The following RBFOX3 variants were observed in gnomAD, a reference collection of about 807,000 sequenced individuals.
The protein encoded by RBFOX3 is RNA binding fox-1 homolog 3, also known as RNA binding protein fox-1 homolog 3.
Under a neutral mutation model 48.7 loss-of-function variants are expected in RBFOX3, and 17 were observed. The observed-to-expected ratio is 0.35, with a 90% CI of 0.24 to 0.52. The LOEUF (loss-of-function observed/expected upper bound fraction) is 0.52. RBFOX3 is among the 20% of genes least tolerant of loss of function. The pLI is 0.94. For synonymous variants in RBFOX3, 212 were observed against 209.5 expected (o/e 1.01, Z -0.10); for missense variants, 382 against 497.5 (o/e 0.77, Z 2.21).
chr17:79,143,269 C>T (rs190631872), intron 4 of RBFOX3, among the ~76,000 whole-genome samples: 18 of 151,724 alleles, frequency 1.2e-4, no homozygotes, highest in African/African-American at 4.1e-4. Context: ...GCCCACCCTG[C>T]CTCTGTCCTT....
chr17:79,247,310 A>ATTT (rs57539628), intron 3 of RBFOX3, among the ~76,000 whole-genome samples: 20,180 of 116,278 alleles, frequency 0.17, 2,303 homozygotes, highest in South Asian at 0.26. Context: ...ACATAATCGT[A>ATTT]TTTTTTTTTT....
At chr17:79,620,038 T>TGCACACACAC in the RBFOX3 span, among the ~76,000 whole-genome samples, 1 of 134,944 alleles carries the variant, frequency 7.4e-6, no homozygotes, top group African/African-American at 2.8e-5. Flanking sequence ...CACATGCATA[T>TGCACACACAC]GCACACACGC....
intron 4 of RBFOX3, among the ~76,000 whole-genome samples, chr17:79,167,079 C>T (rs1322195669): frequency 4.6e-5 from 7 of 152,226 alleles, no homozygotes; most frequent in Non-Finnish European, 7.4e-5. Context: ...CCACGACAGA[C>T]GCGCTCACAA....
chr17:79,618,708 G>A, the RBFOX3 span, among the ~76,000 whole-genome samples: 19 of 152,308 alleles, frequency 1.2e-4, no homozygotes, highest in Middle Eastern at 3.4e-3. Context: ...ATCTGGATAC[G>A]CGCTGGAAAA....
At chr17:79,548,930 A>G (rs1201832483) in intron 1 of RBFOX3, among the ~76,000 whole-genome samples, 1 of 152,272 alleles carries the variant, frequency 6.6e-6, no homozygotes, top group African/African-American at 2.4e-5. Context: ...TAATTGTTGC[A>G]GTAACAAATC....
At chr17:79,546,658 T>C (rs1183857655) in intron 1 of RBFOX3, among the ~76,000 whole-genome samples, 1 of 145,940 alleles carries the variant, frequency 6.9e-6, no homozygotes, top group Non-Finnish European at 1.5e-5. Flanking sequence ...CAGCAGTACC[T>C]TCCTCATTCT....
chr17:79,286,796 C>A (rs2072011120), intron 3 of RBFOX3, among the ~76,000 whole-genome samples: 1 of 152,100 alleles, frequency 6.6e-6, no homozygotes, highest in African/African-American at 2.4e-5. Context: ...CACCCATAGA[C>A]CTGCTCACTG....
chr17:79,598,470 T>A (rs1310500867), intron 1 of RBFOX3: 1 of 152,210 alleles, frequency 6.6e-6, no homozygotes, highest in African/African-American at 2.4e-5. Context: ...TTCTCTGTTC[T>A]CCTGGCTATA....
At chr17:79,108,331 G>A (rs753512766) in intron 5 of RBFOX3, among the ~76,000 whole-genome samples, 25 of 152,238 alleles carry the variant, frequency 1.6e-4, no homozygotes, top group Non-Finnish European at 3.2e-4. Context: ...TGTGGCCTGC[G>A]GAGCAGAGGC....
intron 1 of RBFOX3, among the ~76,000 whole-genome samples, chr17:79,585,540 A>G (rs2144931865): frequency 6.6e-6 from 1 of 152,270 alleles, no homozygotes; most frequent in East Asian, 1.9e-4. Context: ...CTGGGCGACA[A>G]CAGCGAGACT....
chr17:79,376,124 G>A (rs943804675), intron 2 of RBFOX3, among the ~76,000 whole-genome samples: 9 of 152,108 alleles, frequency 5.9e-5, no homozygotes, highest in African/African-American at 2.2e-4. Flanking sequence ...GCAGCATGGT[G>A]GCCCTGTGTC....
chr17:79,401,249 G>A (rs113968106), intron 2 of RBFOX3, among the ~76,000 whole-genome samples: 9 of 152,244 alleles, frequency 5.9e-5, no homozygotes, highest in Admixed American at 5.9e-4. Context: ...TTCTCGGAAA[G>A]GAGCCCTGAG....
chr17:79,229,230 CAAAAAAAAAAAAAAAAAAAAAAAA>C (rs59934894), intron 4 of RBFOX3, among the ~76,000 whole-genome samples: 2 of 33,712 alleles, frequency 5.9e-5, no homozygotes, highest in African/African-American at 3.0e-4. Flanking sequence ...GAGACTCTGT[CAAAAAAAAAAAAAAAAAAAAAAAA>C]AAAAAAAAAA....
chr17:79,444,177 C>T (rs1248815293), intron 2 of RBFOX3, among the ~76,000 whole-genome samples: 3 of 152,140 alleles, frequency 2.0e-5, no homozygotes, highest in South Asian at 4.1e-4. Flanking sequence ...GAAAAGAAGG[C>T]CAAGGAGGGG....
At chr17:79,554,974 A>G (rs2091505015) in intron 1 of RBFOX3, among the ~76,000 whole-genome samples, 1 of 152,214 alleles carries the variant, frequency 6.6e-6, no homozygotes, top group Non-Finnish European at 1.5e-5. Context: ...TACAGTCACA[A>G]AAAGCAAAGG....
chr17:79,484,310 G>A, intron 1 of RBFOX3, among the ~76,000 whole-genome samples: 1 of 152,210 alleles, frequency 6.6e-6, no homozygotes, highest in Non-Finnish European at 1.5e-5. Flanking sequence ...AGCAACCCCG[G>A]AGCAATGCCT....
chr17:79,649,834 A>C, the RBFOX3 span, among the ~76,000 whole-genome samples: 1 of 152,192 alleles, frequency 6.6e-6, no homozygotes, highest in Admixed American at 6.5e-5. Context: ...GGAAACTTAC[A>C]GTCATGGAGG....
chr17:79,625,262 T>G, the RBFOX3 span, among the ~76,000 whole-genome samples: 1 of 152,292 alleles, frequency 6.6e-6, no homozygotes, highest in African/African-American at 2.4e-5. Flanking sequence ...AATGACACAG[T>G]ACATACTTCT....
At chr17:79,200,272 T>C (rs1271527605) in intron 4 of RBFOX3, among the ~76,000 whole-genome samples, 1 of 151,404 alleles carries the variant, frequency 6.6e-6, no homozygotes, top group African/African-American at 2.4e-5. Context: ...ATCAGCAAGG[T>C]GGCCTGTGCC....
Sources: allele counts gnomAD v4.1 joint callset (sites outside exome capture counted in the v4.1 genomes callset), GRCh38; gene constraint gnomAD v4.1.1; transcripts MANE v1.5; gene names NCBI Gene and HGNC (gene_info 2026-07-23, HGNC 2026-07-21).